Variants in MAP4K3 observed in about 807,000 individuals in gnomAD.
MAP4K3 encodes the protein MAPK/ERK kinase kinase kinase 3.
MAP4K3 carries 94 observed loss-of-function variants against 143.5 expected under a neutral mutation model. The ratio of observed to expected loss-of-function variants is 0.65; its 90% CI spans 0.55 to 0.78. The LOEUF (loss-of-function observed/expected upper bound fraction) is 0.78, where lower values mean the gene tolerates loss of function less well. Among genes scored for constraint, MAP4K3 ranks in the 30% least tolerant of loss-of-function variants. The probability of loss-of-function intolerance (pLI) is 0.00; values close to 1 mark genes in which losing one functional copy is unlikely to be tolerated. For synonymous variants in MAP4K3, 416 were observed against 347.2 expected, an observed-to-expected ratio of 1.20 and a Z score of -2.20; for missense variants, 1,077 against 1,068.1, an observed-to-expected ratio of 1.01 and a Z score of -0.12.
chr2:39,308,622 G>C (rs1047485780), intron 14 of MAP4K3, among the ~76,000 whole-genome samples: 31 of 152,044 alleles, frequency 2.0e-4, no homozygotes, highest in African/African-American at 7.5e-4. Flanking sequence ...AATTTCTTTA[G>C]AATTTTGTAT....
In MAP4K3 at chr2:39,437,035, G is replaced by A. The variant is rs773261097; in HGVS notation, c.-48C>T. 8 of 1,478,340 alleles carry A rather than the reference G, an allele frequency of 5.4e-6. No individual in the cohort carries two copies. Among genetic ancestry groups the A allele is most frequent in the East Asian group, 2.4e-5 (1 of 41,642 alleles). The allele number at this position is 1,478,340 out of a possible 1,614,324, so 91.6% of individuals were successfully genotyped here. ...CCTCCCTCCCGGGCAGGGGAGGGGG[G>A]CCGCTCAGGGGGCCACACGGAGAGA... On this transcript the variant is annotated 5_prime_UTR_variant, in exon 1 of 34. Transcript: ENST00000263881.
chr2:39,280,360 G>T lies in MAP4K3; in HGVS notation c.1630-4C>A. 1 of 1,575,430 alleles carries T rather than the reference G, an allele frequency of 6.3e-7. No homozygotes were observed. Among genetic ancestry groups the T allele is most frequent in the Non-Finnish European group, 8.7e-7 (1 of 1,150,506 alleles). On this transcript the variant is annotated splice_region_variant and splice_polypyrimidine_tract_variant and intron_variant, in intron 22 of 33. Transcript: ENST00000263881. ...CTTTTGAAAAACATGCACCCATCTA[G>T]GGAAACAAAGAATAACCAATATGAA...
At chr2:39,287,921 T>C (rs1681868527) in intron 20 of MAP4K3, among the ~76,000 whole-genome samples, 200 bp downstream of exon 20, 1 of 152,142 alleles carries the variant, frequency 6.6e-6, no homozygotes, top group South Asian at 2.1e-4. Context: ...GAGGACAAAA[T>C]ATCTCAGACT....
At chr2:39,403,493 C>T (rs576795747) in intron 1 of MAP4K3, among the ~76,000 whole-genome samples, 5 of 152,236 alleles carry the variant, frequency 3.3e-5, no homozygotes, top group Non-Finnish European at 7.4e-5. Context: ...GATTGTGAGA[C>T]TTTGCATTGA....
At chr2:39,389,240 A>G (rs1444656443) in intron 1 of MAP4K3, among the ~76,000 whole-genome samples, 1 of 152,134 alleles carries the variant, frequency 6.6e-6, no homozygotes, top group Non-Finnish European at 1.5e-5. Flanking sequence ...TGGTGTACAC[A>G]GACATAAAAT....
chr2:39,416,006 A>ATATATATATATATAT lies in MAP4K3; in HGVS notation c.96+20885_96+20886insATATATATATATATA, dbSNP rs1420812309. On this transcript the variant is annotated intron_variant, in intron 1 of 33. Coordinates refer to ENST00000263881, the MANE Select transcript of MAP4K3 (RefSeq NM_003618.4). Reference sequence around the variant, plus strand: ...ATATATATATATATATATATATATAAAAATAACATTTGGAAGAATAAATTC... The same window carrying ATATATATATATATAT: ...ATATATATATATATATATATATATAATATATATATATATATAAATAACATTTGGAAGAATAAATTC... 1.6e-3 allele frequency among the ~76,000 whole-genome samples: 125 copies of ATATATATATATATAT among 75,780 alleles called. 3 individuals carry two copies. Among genetic ancestry groups the ATATATATATATATAT allele is most frequent in the African/African-American group, 3.0e-3 (42 of 13,870 alleles). The allele number at this position is 75,780 out of a possible 152,430, so 49.7% of individuals were successfully genotyped here.
chr2:39,270,657 C>A (rs1303885872), intron 26 of MAP4K3, among the ~76,000 whole-genome samples: 1 of 151,980 alleles, frequency 6.6e-6, no homozygotes, highest in Non-Finnish European at 1.5e-5. Context: ...TACAACTGTA[C>A]TTGAATTCCA....
chr2:39,424,555 C>T (rs1415132542), intron 1 of MAP4K3, among the ~76,000 whole-genome samples: 4 of 151,910 alleles, frequency 2.6e-5, no homozygotes, highest in Admixed American at 1.3e-4. Flanking sequence ...TTAGGCCAGG[C>T]GCAGTGGCTC....
intron 3 of MAP4K3, among the ~76,000 whole-genome samples, chr2:39,344,223 T>C (rs541777939): frequency 7.2e-5 from 11 of 152,296 alleles, no homozygotes; most frequent in Admixed American, 3.3e-4. Flanking sequence ...AAATGAATGA[T>C]TGCATGAGTG....
In MAP4K3 at chr2:39,303,812, T is replaced by C. The variant is rs1467124396; in HGVS notation, c.1120-4011A>G. 4.6e-5 allele frequency among the ~76,000 whole-genome samples: 7 copies of C among 152,212 alleles called. No homozygotes were observed. In the East Asian group the frequency reaches 9.6e-4, roughly 21 times the overall value. On this transcript the variant is annotated intron_variant, in intron 15 of 33. Transcript: ENST00000263881. ...TTGGCCTCCGAAAGTGCTGGGATTA[T>C]AGGCGTGAGCTACCACGCCGGGTCA... is the stretch of plus-strand genomic sequence containing the variant.
At chr2:39,341,738 C>T (rs1026780219) in intron 4 of MAP4K3, among the ~76,000 whole-genome samples, 1 of 151,258 alleles carries the variant, frequency 6.6e-6, no homozygotes, top group Admixed American at 6.6e-5. Flanking sequence ...CAAATTCCAA[C>T]CAAAAAAAAG....
chr2:39,351,751 C>T (rs1234225463), intron 3 of MAP4K3, among the ~76,000 whole-genome samples: 1 of 152,180 alleles, frequency 6.6e-6, no homozygotes, highest in African/African-American at 2.4e-5. Flanking sequence ...TCACTGCAAC[C>T]TCTGCCTCTT....
At chr2:39,315,760 T>C (rs1381301197) in intron 12 of MAP4K3, among the ~76,000 whole-genome samples, 2 of 152,158 alleles carry the variant, frequency 1.3e-5, no homozygotes, top group Admixed American at 1.3e-4. Context: ...TATTCTGACA[T>C]CGAGAAATTC....
intron 1 of MAP4K3, among the ~76,000 whole-genome samples, chr2:39,416,706 CT>C (rs1408335276): frequency 3.3e-5 from 5 of 152,302 alleles, no homozygotes; most frequent in African/African-American, 1.2e-4. Flanking sequence ...CAGAAGGGTA[CT>C]TTGGGGATTT....
At chr2:39,274,871 A>G (rs1228272220) in intron 24 of MAP4K3, among the ~76,000 whole-genome samples, 1 of 152,230 alleles carries the variant, frequency 6.6e-6, no homozygotes, top group Non-Finnish European at 1.5e-5. Context: ...AAGCAGATAA[A>G]AAACTTTAAA....
chr2:39,320,449 T>G (rs920190798), intron 12 of MAP4K3, among the ~76,000 whole-genome samples: 1 of 152,236 alleles, frequency 6.6e-6, no homozygotes, highest in African/African-American at 2.4e-5. Flanking sequence ...GTTCCAATAA[T>G]GGAACACTAG....
At position 39,387,478 on chromosome 2, in the gene MAP4K3, C is replaced by T. The variant is rs189890530; in HGVS notation, c.97-9355G>A. ...TTCAATTTTGATTTTAAAAGTCACACGTGGCTAGTGATAACTGCATTAGAC... is the reference window on the plus strand; with the variant it reads ...TTCAATTTTGATTTTAAAAGTCACATGTGGCTAGTGATAACTGCATTAGAC... On this transcript the variant is annotated intron_variant, in intron 1 of 33. Coordinates refer to ENST00000263881, the MANE Select transcript of MAP4K3 (RefSeq NM_003618.4). Among the ~76,000 whole-genome samples the T allele has an allele frequency of 2.4e-3, 366 of 152,240 alleles. 1 individual carries two copies. The highest frequency in any genetic ancestry group is 3.1e-3 in the Non-Finnish European group (209 of 68,020).
At chr2:39,276,908 G>A (rs1681278782) in intron 24 of MAP4K3, among the ~76,000 whole-genome samples, 1 of 152,194 alleles carries the variant, frequency 6.6e-6, no homozygotes, top group African/African-American at 2.4e-5. Flanking sequence ...TGATAAAAAT[G>A]TCCTAAAACT....
intron 1 of MAP4K3, among the ~76,000 whole-genome samples, chr2:39,385,410 A>C (rs1666470244): frequency 6.6e-6 from 1 of 151,648 alleles, no homozygotes; most frequent in Admixed American, 6.6e-5. Context: ...TGGTGGTTTT[A>C]GTTTGCATTT....
Sources: allele counts gnomAD v4.1 joint callset (sites outside exome capture counted in the v4.1 genomes callset), GRCh38; gene constraint gnomAD v4.1.1; transcripts MANE v1.5; gene names NCBI Gene and HGNC (gene_info 2026-07-23, HGNC 2026-07-21).